Variants in AFF3 observed in about 807,000 individuals in gnomAD.
The protein encoded by AFF3 is AF4/FMR2 family member 3.
AFF3 carries 32 observed loss-of-function variants against 129.7 expected under a neutral mutation model. That is an observed-to-expected ratio of 0.25 (90% CI 0.19 to 0.33). AFF3 has a LOEUF of 0.33. AFF3 is among the 10% of genes least tolerant of loss of function. The pLI is 1.00. For synonymous variants in AFF3, 644 were observed against 635.4 expected (o/e 1.01, Z -0.20); for missense variants, 1,373 against 1,592.0 (o/e 0.86, Z 2.34).
intron 4 of AFF3, among the ~76,000 whole-genome samples, chr2:100,076,988 C>A (rs1688635696): frequency 6.6e-6 from 1 of 152,176 alleles, no homozygotes; most frequent in Admixed American, 6.5e-5. Context: ...GTGGCTCACA[C>A]CTGTAATCCT....
intron 8 of AFF3, among the ~76,000 whole-genome samples, chr2:99,797,342 T>C (rs916689808): frequency 1.3e-5 from 2 of 151,928 alleles, no homozygotes; most frequent in Non-Finnish European, 2.9e-5. Context: ...ATAGAGATTG[T>C]AAAAGAAAAC....
chr2:99,626,349 C>T (rs1257107697), intron 13 of AFF3, among the ~76,000 whole-genome samples: 2 of 146,616 alleles, frequency 1.4e-5, no homozygotes, highest in African/African-American at 5.2e-5. Context: ...TCTCTCTTTC[C>T]TTCCTTCCTT....
At chr2:100,136,696 T>G (rs543324237) in intron 1 of AFF3, among the ~76,000 whole-genome samples, 1 of 152,334 alleles carries the variant, frequency 6.6e-6, no homozygotes, top group Admixed American at 6.5e-5. Flanking sequence ...CATCTTTTTT[T>G]CAAAAGTATC....
At chr2:99,785,492 C>T (rs1376982552) in intron 8 of AFF3, among the ~76,000 whole-genome samples, 1 of 152,162 alleles carries the variant, frequency 6.6e-6, no homozygotes, top group East Asian at 1.9e-4. Context: ...AAACTTTACT[C>T]TCTCCTTATT....
intron 7 of AFF3, among the ~76,000 whole-genome samples, chr2:100,002,783 A>G (rs1481695842): frequency 1.3e-5 from 2 of 152,180 alleles, no homozygotes; most frequent in Non-Finnish European, 2.9e-5. Context: ...AAAACTATAA[A>G]TGTGTAGGTT....
intron 18 of AFF3, among the ~76,000 whole-genome samples, chr2:99,569,291 CATA>C (rs1443040611): frequency 6.6e-6 from 1 of 151,942 alleles, no homozygotes; most frequent in African/African-American, 2.4e-5. Context: ...AAATATACCT[CATA>C]ATAATTGTAT....
At chr2:99,817,718 G>A (rs1687351695) in intron 8 of AFF3, among the ~76,000 whole-genome samples, 1 of 152,142 alleles carries the variant, frequency 6.6e-6, no homozygotes, top group South Asian at 2.1e-4. Flanking sequence ...TTACCAAGTT[G>A]TGTGCAATCT....
intron 4 of AFF3, among the ~76,000 whole-genome samples, chr2:100,068,733 C>T (rs1026401273): frequency 6.6e-6 from 1 of 152,104 alleles, no homozygotes; most frequent in Non-Finnish European, 1.5e-5. Context: ...ACTCCCGACG[C>T]CCACCATCAA....
intron 10 of AFF3, among the ~76,000 whole-genome samples, chr2:99,739,204 G>A (rs1057204743): frequency 3.3e-5 from 5 of 152,048 alleles, no homozygotes; most frequent in African/African-American, 1.2e-4. Context: ...GTGGAAATGT[G>A]GTCTTTCCTG....
At chr2:100,059,234 C>T (rs972956972) in intron 4 of AFF3, among the ~76,000 whole-genome samples, 3 of 103,902 alleles carry the variant, frequency 2.9e-5, no homozygotes, top group Non-Finnish European at 5.2e-5. Flanking sequence ...GCCTGGGCAA[C>T]AGAAGTGAGA....
At chr2:100,098,685 T>C (rs1283905134) in intron 4 of AFF3, among the ~76,000 whole-genome samples, 2 of 123,698 alleles carry the variant, frequency 1.6e-5, no homozygotes, top group Admixed American at 7.9e-5. Context: ...GTCATCCAGA[T>C]ACATTTGGTT....
intron 7 of AFF3, among the ~76,000 whole-genome samples, chr2:99,845,853 G>T (rs1242653010): frequency 3.3e-5 from 5 of 152,000 alleles, no homozygotes; most frequent in Non-Finnish European, 7.4e-5. Context: ...TTTATTTTGA[G>T]ACGGAGTCTT....
At chr2:99,739,295 T>C (rs1680520568) in intron 10 of AFF3, among the ~76,000 whole-genome samples, 1 of 152,128 alleles carries the variant, frequency 6.6e-6, no homozygotes. Context: ...ACCTTCCCTG[T>C]TCAGGGGTAT....
At chr2:99,972,315 GA>G (rs149054003) in intron 7 of AFF3, among the ~76,000 whole-genome samples, 3,618 of 152,310 alleles carry the variant, frequency 0.024, 131 homozygotes, top group African/African-American at 0.081. Context: ...CATTTGGACA[GA>G]AGCAAGTCCA....
intron 8 of AFF3, among the ~76,000 whole-genome samples, chr2:99,834,956 C>A (rs565319312): frequency 6.6e-6 from 1 of 152,210 alleles, no homozygotes; most frequent in Non-Finnish European, 1.5e-5. Flanking sequence ...CTCTGACCTC[C>A]TGACCTCCAA....
intron 11 of AFF3, among the ~76,000 whole-genome samples, chr2:99,678,966 C>T (rs1404180): frequency 0.076 from 11,524 of 152,262 alleles, 488 homozygotes; most frequent in East Asian, 0.1. Context: ...AGCGTTTGTT[C>T]GGAAGAACTT....
intron 8 of AFF3, among the ~76,000 whole-genome samples, chr2:99,800,062 A>T (rs1038011019): frequency 2.0e-5 from 3 of 152,196 alleles, no homozygotes; most frequent in Non-Finnish European, 4.4e-5. Flanking sequence ...ACCATAAATT[A>T]AAAAATGTAA....
chr2:99,717,185 C>T lies in AFF3; in HGVS notation c.1091+9892G>A, dbSNP rs189656118. On this transcript the variant is annotated intron_variant, in intron 11 of 24. Transcript: ENST00000672756. ...TGCACAGTTATGAATCAAGTAGCTA[C>T]GAATATTCTTGCACGAATCTTTTTA... 1.4e-4 allele frequency among the ~76,000 whole-genome samples: 22 copies of T among 152,288 alleles called. No individual in the cohort carries two copies. The East Asian group carries it at 2.7e-3, about 19-fold the overall frequency.
intron 4 of AFF3, among the ~76,000 whole-genome samples, chr2:100,064,722 A>C (rs550002242): frequency 1.6e-4 from 24 of 152,334 alleles, no homozygotes; most frequent in Admixed American, 1.2e-3. Context: ...GCAAATACAA[A>C]AATACATCGT....
Sources: gnomAD v4.1 joint callset for allele counts (sites outside exome capture counted in the v4.1 genomes callset) on GRCh38, gnomAD v4.1.1 for gene constraint, MANE v1.5 for transcripts, NCBI Gene and HGNC (gene_info 2026-07-23, HGNC 2026-07-21) for gene names.